MICU2: variants seen among roughly 807,000 people sequenced by gnomAD.
MICU2 encodes calcium uptake protein 2, mitochondrial.
Under a neutral mutation model 60.4 loss-of-function variants are expected in MICU2, and 64 were observed. That is an observed-to-expected ratio of 1.06 (90% confidence interval 0.87 to 1.31). The LOEUF is 1.31. Among genes scored for constraint, MICU2 ranks in the 50% most tolerant of loss-of-function variants. MICU2 has a pLI of 0.00. For missense variants in MICU2, 569 were observed against 531.0 expected (o/e 1.07, Z -0.70); for synonymous variants, 201 against 175.0 (o/e 1.15, Z -1.17).
intron 1 of MICU2, among the ~76,000 whole-genome samples, chr13:21,576,742 C>G (rs1888235077): frequency 6.6e-6 from 1 of 152,202 alleles, no homozygotes; most frequent in South Asian, 2.1e-4. Flanking sequence ...ATTCTTAAAG[C>G]TCATGGCTGA....
intron 2 of MICU2, among the ~76,000 whole-genome samples, chr13:21,565,842 A>C (rs530830487): frequency 2.0e-5 from 3 of 152,330 alleles, no homozygotes. Flanking sequence ...CAAACAAACA[A>C]ACAAAACCCT....
chr13:21,545,175 T>C (rs1017613486), intron 2 of MICU2, among the ~76,000 whole-genome samples: 1 of 152,070 alleles, frequency 6.6e-6, no homozygotes, highest in African/African-American at 2.4e-5. Flanking sequence ...AGCCAAGACA[T>C]GGAATCAACC....
intron 1 of MICU2, among the ~76,000 whole-genome samples, chr13:21,577,083 A>G (rs748770753): frequency 1.2e-4 from 19 of 152,214 alleles, no homozygotes; most frequent in Non-Finnish European, 1.8e-4. Flanking sequence ...TCTTTGTACA[A>G]TTCAGAAAAC....
intron 8 of MICU2, among the ~76,000 whole-genome samples, chr13:21,507,365 T>C (rs1289633662): frequency 2.0e-5 from 3 of 152,110 alleles, no homozygotes; most frequent in Admixed American, 6.5e-5. Flanking sequence ...TGAATACAGT[T>C]TGAAAAATTA....
At position 21,566,971 on chromosome 13, in the gene MICU2, A is replaced by C. The variant is rs573366291; in HGVS notation, c.211-27T>G. 1.7e-4 allele frequency: 269 copies of C among 1,574,134 alleles called. 2 individuals carry two copies. In the South Asian group the frequency reaches 2.9e-3, roughly 17 times the overall value. On this transcript the variant is annotated intron_variant, in intron 1 of 11. Transcript: ENST00000382374. ...TAAAAGAAAAATAAATTGCAATTGA[A>C]GATTTTTTCAGTGTTATTCCCAGTC...
At chr13:21,511,140 C>T (rs1886419133) in intron 7 of MICU2, among the ~76,000 whole-genome samples, 1 of 152,166 alleles carries the variant, frequency 6.6e-6, no homozygotes, top group African/African-American at 2.4e-5. Flanking sequence ...AGTCTAGGTG[C>T]TCCAGTAAGG....
chr13:21,584,964 A>G (rs1215510137), intron 1 of MICU2, among the ~76,000 whole-genome samples: 1 of 152,174 alleles, frequency 6.6e-6, no homozygotes, highest in East Asian at 1.9e-4. Flanking sequence ...GGATTCCACT[A>G]AACAATATAA....
At chr13:21,521,431 G>A in intron 5 of MICU2, 104 bp from the exon 6 acceptor site, 1 of 767,162 alleles carries the variant, frequency 1.3e-6, no homozygotes, top group Non-Finnish European at 2.1e-6. Flanking sequence ...AACTGTATGA[G>A]TAAGTGCCTA....
chr13:21,518,302 C>A (rs1312954434), intron 6 of MICU2, among the ~76,000 whole-genome samples: 1 of 152,198 alleles, frequency 6.6e-6, no homozygotes, highest in Non-Finnish European at 1.5e-5. Flanking sequence ...GTGAAAACAA[C>A]AACAACGATA....
intron 1 of MICU2, among the ~76,000 whole-genome samples, chr13:21,596,951 AAAT>A (rs1220757839): frequency 1.3e-5 from 2 of 152,336 alleles, no homozygotes; most frequent in Admixed American, 1.3e-4. Flanking sequence ...CCAAATTTAA[AAAT>A]AATTTAATTG....
At chr13:21,556,638 T>C (rs1235485623) in intron 2 of MICU2, among the ~76,000 whole-genome samples, 1 of 152,142 alleles carries the variant, frequency 6.6e-6, no homozygotes, top group South Asian at 2.1e-4. Flanking sequence ...GGAATCAGCC[T>C]TAGCAGGGCA....
At chr13:21,541,725 C>A (rs1235745073) in intron 2 of MICU2, among the ~76,000 whole-genome samples, 8 of 152,064 alleles carry the variant, frequency 5.3e-5, no homozygotes, top group Admixed American at 5.2e-4. Flanking sequence ...AATTCCATGA[C>A]AGTAGTAAAA....
intron 2 of MICU2, among the ~76,000 whole-genome samples, chr13:21,556,057 A>G (rs2138025655): frequency 6.6e-6 from 1 of 152,008 alleles, no homozygotes; most frequent in East Asian, 1.9e-4. Context: ...ACCTCCATCT[A>G]CTGCTTCATC....
intron 4 of MICU2, among the ~76,000 whole-genome samples, chr13:21,528,587 C>T (rs1886912511): frequency 6.6e-6 from 1 of 152,144 alleles, no homozygotes; most frequent in Non-Finnish European, 1.5e-5. Flanking sequence ...ATTTAATAAA[C>T]AATTCTACTG....
At chr13:21,550,431 C>T (rs1281131573) in intron 2 of MICU2, among the ~76,000 whole-genome samples, 4 of 152,202 alleles carry the variant, frequency 2.6e-5, no homozygotes, top group Non-Finnish European at 5.9e-5. Flanking sequence ...CCAGCTACTT[C>T]GGAGACTGAG....
At chr13:21,602,496 T>C (rs2138083341) in intron 1 of MICU2, among the ~76,000 whole-genome samples, 1 of 151,988 alleles carries the variant, frequency 6.6e-6, no homozygotes, top group East Asian at 1.9e-4. Flanking sequence ...CAGTCCGGCC[T>C]GGGCGACAGA....
In MICU2 at chr13:21,492,821, C is replaced by A. The variant is rs1885891562; in HGVS notation, c.*428G>T. 1 of 153,274 alleles carries A rather than the reference C, an allele frequency of 6.5e-6. No individual in the cohort carries two copies. The allele number at this position is 153,274 out of a possible 1,614,324, so 9.5% of individuals were successfully genotyped here. On this transcript the variant is annotated 3_prime_UTR_variant, in exon 12 of 12. Transcript: ENST00000382374. ...CAATAAATTTATGAGATATAAGGTA[C>A]AGATGAGAAAAATCTGAAATAAGTT...
intron 1 of MICU2, among the ~76,000 whole-genome samples, chr13:21,599,518 T>G (rs1316563163): frequency 6.6e-6 from 1 of 152,264 alleles, no homozygotes; most frequent in Non-Finnish European, 1.5e-5. Context: ...ATAACTGATG[T>G]GCTAACATGA....
At position 21,503,229 on chromosome 13, in the gene MICU2, T is replaced by C. The variant is rs997544210; in HGVS notation, c.762-132A>G. 4 of 645,138 alleles carry C rather than the reference T, an allele frequency of 6.2e-6. No individual in the cohort carries two copies. The South Asian group carries it at 8.0e-5, about 13-fold the overall frequency. The allele number at this position is 645,138 out of a possible 1,614,324, so 40.0% of individuals were successfully genotyped here. A position where few individuals can be genotyped will look rare whatever the true frequency, so the allele number is the denominator to read the frequency against. ...TCCTGATGGTAAGCAGGATGAAGCATTAGTGCTGTGCAAGGATTGTGGGGA... is the reference window on the plus strand; with the variant it reads ...TCCTGATGGTAAGCAGGATGAAGCACTAGTGCTGTGCAAGGATTGTGGGGA... On this transcript the variant is annotated intron_variant, in intron 8 of 11. Transcript: ENST00000382374.
Sources: allele counts gnomAD v4.1 joint callset (sites outside exome capture counted in the v4.1 genomes callset), GRCh38; gene constraint gnomAD v4.1.1; transcripts MANE v1.5; gene names NCBI Gene and HGNC (gene_info 2026-07-23, HGNC 2026-07-21).